GARRE1: variants seen among roughly 807,000 people sequenced by gnomAD.
The protein encoded by GARRE1 is granule associated Rac and RHOG effector 1, also known as granule associated Rac and RHOG effector protein 1.
A neutral mutation model predicts 103.2 loss-of-function variants in GARRE1; 49 were observed. The observed-to-expected ratio is 0.47, with a 90% CI of 0.38 to 0.60. The LOEUF (loss-of-function observed/expected upper bound fraction) is 0.60. Among genes scored for constraint, GARRE1 ranks in the 20% least tolerant of loss-of-function variants. The pLI, the probability that GARRE1 is intolerant of heterozygous loss-of-function variation, is 0.00. For missense variants in GARRE1, 1,199 were observed against 1,370.5 expected (o/e 0.87, Z 1.98); for synonymous variants, 505 against 532.8 (o/e 0.95, Z 0.72).
chr19:34,325,219 G>A (rs1242496747), intron 3 of GARRE1, among the ~76,000 whole-genome samples: 1 of 152,142 alleles, frequency 6.6e-6, no homozygotes, highest in Non-Finnish European at 1.5e-5. Context: ...TCCAGGCTCA[G>A]TTCTAGCTGC....
intron 1 of GARRE1, among the ~76,000 whole-genome samples, chr19:34,280,359 TG>T (rs1426794903): frequency 6.6e-6 from 1 of 152,238 alleles, no homozygotes; most frequent in Admixed American, 6.5e-5. Flanking sequence ...GCTTATTAGC[TG>T]TTCGCATATT....
chr19:34,302,588 C>T (rs2073985888), intron 2 of GARRE1, among the ~76,000 whole-genome samples: 1 of 152,026 alleles, frequency 6.6e-6, no homozygotes, highest in African/African-American at 2.4e-5. Flanking sequence ...GCCACCCTGC[C>T]TGTCCTGTGG....
chr19:34,328,580 A>G (rs1046956090), intron 6 of GARRE1, among the ~76,000 whole-genome samples: 1 of 151,262 alleles, frequency 6.6e-6, no homozygotes, highest in African/African-American at 2.4e-5. Flanking sequence ...TTAATCAGAC[A>G]TTTGCCAAGC....
intron 2 of GARRE1, among the ~76,000 whole-genome samples, chr19:34,306,911 G>A (rs1004200987): frequency 2.6e-5 from 4 of 151,980 alleles, no homozygotes; most frequent in Non-Finnish European, 4.4e-5. Context: ...AGGGAGTTTC[G>A]ATCTTAGAGA....
chr19:34,342,431 G>A lies in GARRE1; in HGVS notation c.2497G>A (p.Glu833Lys). The change falls in exon 10 of 14, where the codon GAG becomes AAG. Residue 833 changes from glutamate (E) to lysine (K), a missense_variant. Coordinates refer to ENST00000299505, the MANE Select transcript of GARRE1 (RefSeq NM_014686.5). ...QSDGVFGMLG[E>K]ILPFDPAVGS... ...TGATGGAGTCTTTGGAATGCTGGGA[G>A]AGATTCTGCCTTTTGATCCTGCAGG... 3.1e-6 allele frequency: 5 copies of A among 1,613,178 alleles called. No homozygotes were observed. Among genetic ancestry groups the A allele is most frequent in the Non-Finnish European group, 4.2e-6 (5 of 1,179,360 alleles).
intron 1 of GARRE1, among the ~76,000 whole-genome samples, chr19:34,289,244 G>A (rs531141731): frequency 1.4e-4 from 22 of 151,844 alleles, no homozygotes; most frequent in Middle Eastern, 3.4e-3. Flanking sequence ...ACCAGCCTGC[G>A]CAACATGGTG....
intron 1 of GARRE1, among the ~76,000 whole-genome samples, chr19:34,260,965 G>GGT (rs1218324008): frequency 6.6e-6 from 1 of 152,164 alleles, no homozygotes; most frequent in Non-Finnish European, 1.5e-5. Flanking sequence ...GGAATTACGT[G>GGT]GTGTGTGTGT....
At chr19:34,343,588 G>A (rs1193231451) in intron 10 of GARRE1, among the ~76,000 whole-genome samples, 1 of 151,910 alleles carries the variant, frequency 6.6e-6, no homozygotes, top group Non-Finnish European at 1.5e-5. Context: ...TCTCATGCCT[G>A]TAATTTCCAG....
chr19:34,330,277 A>G lies in GARRE1; in HGVS notation c.1193A>G (p.Gln398Arg). Residue 398 changes from glutamine to arginine, a missense_variant, in exon 7 of 14, where the codon CAG (glutamine) becomes CGG (arginine). Gln to Arg is a conservative substitution (Grantham distance 43). Coordinates refer to ENST00000299505, the MANE Select transcript of GARRE1 (RefSeq NM_014686.5). ...TTTCCTGTGACTGAAGTGCTGAACC[A>G]GGTTTGCCCTTCCACATGGCGAGGT... ...DDFPVTEVLNQVCPSTWRGAC... is the reference protein window; with the variant it reads ...DDFPVTEVLNRVCPSTWRGAC... The G allele has an allele frequency of 6.2e-7, 1 of 1,614,210 alleles. No homozygotes were observed.
intron 6 of GARRE1, among the ~76,000 whole-genome samples, chr19:34,328,945 CAGAA>C (rs1005006851): frequency 6.6e-6 from 1 of 152,088 alleles, no homozygotes; most frequent in Non-Finnish European, 1.5e-5. Flanking sequence ...AGATGTTTAA[CAGAA>C]AGGGTTTGAA....
At chr19:34,255,221 G>A (rs956357722) in intron 1 of GARRE1, among the ~76,000 whole-genome samples, 1 of 152,230 alleles carries the variant, frequency 6.6e-6, no homozygotes, top group Non-Finnish European at 1.5e-5. Context: ...GGGGCTGAGC[G>A]TGGAGGACCC....
At chr19:34,295,190 C>T (rs1369255533) in intron 1 of GARRE1, among the ~76,000 whole-genome samples, 2 of 152,226 alleles carry the variant, frequency 1.3e-5, no homozygotes, top group East Asian at 3.9e-4. Flanking sequence ...TGCCAGTCTT[C>T]TGGTCTTCAA....
In GARRE1 at chr19:34,278,477, A is replaced by G. The variant is rs550325822; in HGVS notation, c.-795-21202A>G. On this transcript the variant is annotated intron_variant, in intron 1 of 13. Transcript: ENST00000299505. ...AAAAAAAAAAAAAAAAGTCTTGCCTATTAAACAGTAACTCCCCATTTTCCC... is the reference window on the plus strand; with the variant it reads ...AAAAAAAAAAAAAAAAGTCTTGCCTGTTAAACAGTAACTCCCCATTTTCCC... 1.0e-4 allele frequency among the ~76,000 whole-genome samples: 15 copies of G among 142,906 alleles called. No homozygotes were observed. The East Asian group carries it at 2.0e-3, about 19-fold the overall frequency. The allele number at this position is 142,906 out of a possible 152,430, so 93.8% of individuals were successfully genotyped here.
At chr19:34,317,932 G>A (rs974269253) in intron 2 of GARRE1, among the ~76,000 whole-genome samples, 11 of 152,144 alleles carry the variant, frequency 7.2e-5, no homozygotes, top group South Asian at 4.1e-4. Flanking sequence ...CGCTGCCTTC[G>A]TGTCCCTCAC....
chr19:34,286,708 A>G (rs1173747890), intron 1 of GARRE1, among the ~76,000 whole-genome samples: 2 of 151,150 alleles, frequency 1.3e-5, no homozygotes, highest in African/African-American at 4.9e-5. Context: ...TCATCGTGTT[A>G]GCCAGGATGG....
intron 8 of GARRE1, among the ~76,000 whole-genome samples, chr19:34,337,106 A>G (rs750471321): frequency 3.9e-4 from 59 of 151,364 alleles, no homozygotes; most frequent in Non-Finnish European, 7.4e-4. Flanking sequence ...TGGGAAGAAC[A>G]CAAACAGAAA....
chr19:34,286,073 T>A (rs1322282264), intron 1 of GARRE1, among the ~76,000 whole-genome samples: 4 of 152,174 alleles, frequency 2.6e-5, no homozygotes, highest in Admixed American at 6.5e-5. Flanking sequence ...GGCACACGCC[T>A]GTAATCCCAG....
chr19:34,329,601 C>T (rs1046432884), intron 6 of GARRE1, among the ~76,000 whole-genome samples: 1 of 151,966 alleles, frequency 6.6e-6, no homozygotes, highest in African/African-American at 2.4e-5. Flanking sequence ...TTTGGGAGGC[C>T]GAGGTGGGCA....
chr19:34,288,904 GTC>G (rs1399737564), intron 1 of GARRE1, among the ~76,000 whole-genome samples: 1 of 151,818 alleles, frequency 6.6e-6, no homozygotes, highest in South Asian at 2.1e-4. Context: ...GGCCGAGGCA[GTC>G]GGATCAGTTG....
Sources: gnomAD v4.1 joint callset for allele counts (sites outside exome capture counted in the v4.1 genomes callset) on GRCh38, gnomAD v4.1.1 for gene constraint, MANE v1.5 for transcripts, NCBI Gene and HGNC (gene_info 2026-07-23, HGNC 2026-07-21) for gene names.